The following LSM6 variants were observed in gnomAD, a reference collection of about 807,000 sequenced individuals.
LSM6 encodes the protein LSM6 homolog, U6 small nuclear RNA and mRNA degradation associated.
LSM6 carries 2 observed loss-of-function variants against 13.5 expected under a neutral mutation model. The observed-to-expected ratio is 0.15, with a 90% confidence interval of 0.06 to 0.47. LSM6 has a LOEUF of 0.47. Ranked by LOEUF, LSM6 falls within the 20% of genes least tolerant of loss-of-function variation. LSM6 has a pLI of 0.97. For missense variants in LSM6, 58 were observed against 96.4 expected (o/e 0.60, Z 1.67); for synonymous variants, 43 against 34.9 (o/e 1.23, Z -0.82).
chr4:146,179,168 G>A (rs3775497), intron 1 of LSM6, among the ~76,000 whole-genome samples: 2 of 152,186 alleles, frequency 1.3e-5, no homozygotes, highest in African/African-American at 4.8e-5. Context: ...GGAGTCAGGG[G>A]AGGGAGAGGA....
chr4:146,182,250 A>G (rs1449191182), intron 1 of LSM6, among the ~76,000 whole-genome samples: 1 of 152,180 alleles, frequency 6.6e-6, no homozygotes, highest in African/African-American at 2.4e-5. Context: ...AGTTCTTGGA[A>G]AAGTGCTGGC....
At chr4:146,176,542 A>G (rs1730113877) in intron 1 of LSM6, 1 of 152,218 alleles carries the variant, frequency 6.6e-6, no homozygotes, top group Non-Finnish European at 1.5e-5. Context: ...GAAGAAAATA[A>G]TATTCACTGA....
rs369726634 is a variant in LSM6, at chr4:146,182,913, A to G, written c.-9A>G. Reference sequence around the variant, plus strand: ...GTTCCTTTTCATATTTTGATTTAGGATTGTTAAAATGAGTCTTCGGAAGCA... The same window carrying G: ...GTTCCTTTTCATATTTTGATTTAGGGTTGTTAAAATGAGTCTTCGGAAGCA... On this transcript the variant is annotated splice_region_variant and 5_prime_UTR_variant, in exon 2 of 4. Coordinates refer to ENST00000296581, the MANE Select transcript of LSM6 (RefSeq NM_007080.3). The G allele has an allele frequency of 3.8e-6, 6 of 1,565,788 alleles. No homozygotes were observed. In the Middle Eastern group the frequency reaches 6.7e-4, roughly 175 times the overall value.
At chr4:146,183,879 T>C (rs1287458427) in intron 2 of LSM6, among the ~76,000 whole-genome samples, 3 of 149,244 alleles carry the variant, frequency 2.0e-5, no homozygotes, top group Non-Finnish European at 3.0e-5. Flanking sequence ...TCTTTTTTTT[T>C]TTTTTTTTTT....
rs745786040 is a variant in LSM6, at chr4:146,187,286, G to C, written c.107G>C (p.Cys36Ser). The C allele has an allele frequency of 1.2e-6, 2 of 1,610,234 alleles. No individual in the cohort carries two copies. The highest frequency in any genetic ancestry group is 2.2e-5 in the South Asian group (2 of 90,956). The change falls in exon 3 of 4, where the codon TGC (cysteine) becomes TCC (serine). Residue 36 changes from cysteine (C) to serine (S), a missense_variant. By Grantham distance (112) the Cys-to-Ser change is moderately radical (BLOSUM62 -1). Transcript: ENST00000296581. ...AATATGTCTGCAGGGGTCCTGGCTT[G>C]CCTGGATGGCTACATGAATATAGCC... ...SGVDYRGVLACLDGYMNIALE... is the reference protein window; with the variant it reads ...SGVDYRGVLASLDGYMNIALE...
chr4:146,189,120 G>T (rs142917534), intron 3 of LSM6, among the ~76,000 whole-genome samples: 6 of 151,590 alleles, frequency 4.0e-5, no homozygotes, highest in Non-Finnish European at 8.8e-5. Context: ...GTTCTAAGTC[G>T]CTGGGACTAC....
Position 146,189,725 on chromosome 4 carries a change from T to A in LSM6, c.*69T>A. 1 of 1,152,384 alleles carries A rather than the reference T, an allele frequency of 8.7e-7. No individual in the cohort carries two copies. The highest frequency in any genetic ancestry group is 1.3e-6 in the Non-Finnish European group (1 of 793,586). 71.4% of individuals were successfully genotyped at this position (1,152,384 alleles called of 1,614,324 possible). Reference sequence around the variant, plus strand: ...TTATGAATTTTTTCTAATTTTTGCTTCTTTTGTGATACAATTTGTCCTCTT... The same window carrying A: ...TTATGAATTTTTTCTAATTTTTGCTACTTTTGTGATACAATTTGTCCTCTT... On this transcript the variant is annotated 3_prime_UTR_variant, in exon 4 of 4. Coordinates refer to ENST00000296581, the MANE Select transcript of LSM6 (RefSeq NM_007080.3).
In LSM6 at chr4:146,183,072, C is replaced by T; in HGVS notation, c.94+57C>T. 2.4e-6 allele frequency: 3 copies of T among 1,264,256 alleles called. No individual in the cohort carries two copies. The Admixed American group carries it at 5.1e-5, about 21-fold the overall frequency. 78.3% of individuals were successfully genotyped at this position (1,264,256 alleles called of 1,614,324 possible). ...TAACTGAATAAGTAAATGTGACTTA[C>T]TGATATTTATTAACCTCTTAAGTAT... On this transcript the variant is annotated intron_variant, in intron 2 of 3. Coordinates refer to ENST00000296581, the MANE Select transcript of LSM6 (RefSeq NM_007080.3).
intron 1 of LSM6, among the ~76,000 whole-genome samples, chr4:146,182,608 A>G (rs1478520903): frequency 6.6e-6 from 1 of 152,272 alleles, no homozygotes; most frequent in Non-Finnish European, 1.5e-5. Flanking sequence ...TGTGTCAGGC[A>G]GTAATGATAA....
intron 1 of LSM6, among the ~76,000 whole-genome samples, chr4:146,179,867 A>G (rs1171430167): frequency 6.6e-6 from 1 of 152,144 alleles, no homozygotes; most frequent in Non-Finnish European, 1.5e-5. Flanking sequence ...GTTATTTCCT[A>G]GGCTTGTTCA....
intron 1 of LSM6, among the ~76,000 whole-genome samples, chr4:146,178,817 T>C (rs1730169266): frequency 6.6e-6 from 1 of 152,186 alleles, no homozygotes; most frequent in Non-Finnish European, 1.5e-5. Context: ...TCTCACCGCC[T>C]CTATTGCGAT....
chr4:146,182,912 G>C lies in LSM6; in HGVS notation c.-10G>C. 6.4e-7 allele frequency: 1 copy of C among 1,562,168 alleles called. No individual in the cohort carries two copies. The highest frequency in any genetic ancestry group is 8.8e-7 in the Non-Finnish European group (1 of 1,132,858). On this transcript the variant is annotated splice_region_variant and 5_prime_UTR_variant, in exon 2 of 4. Coordinates refer to ENST00000296581, the MANE Select transcript of LSM6 (RefSeq NM_007080.3). ...TGTTCCTTTTCATATTTTGATTTAGGATTGTTAAAATGAGTCTTCGGAAGC... is the reference window on the plus strand; with the variant it reads ...TGTTCCTTTTCATATTTTGATTTAGCATTGTTAAAATGAGTCTTCGGAAGC...
chr4:146,175,967 C>T (rs866601788), intron 1 of LSM6, 156 bp downstream of exon 1: 7 of 152,416 alleles, frequency 4.6e-5, no homozygotes, highest in African/African-American at 1.7e-4. Context: ...GCTGGGGCTC[C>T]GGGAAGGGAC....
At position 146,182,982 on chromosome 4, in the gene LSM6, G is replaced by A; in HGVS notation, c.61G>A (p.Val21Met). 1 of 1,613,444 alleles carries A rather than the reference G, an allele frequency of 6.2e-7. No individual in the cohort carries two copies. The highest frequency in any genetic ancestry group is 8.5e-7 in the Non-Finnish European group (1 of 1,179,448). The change falls in exon 2 of 4, where the codon GTG becomes ATG. Residue 21 changes from valine to methionine, a missense_variant. By Grantham distance (21) the Val-to-Met change is conservative (BLOSUM62 1). Coordinates refer to ENST00000296581, the MANE Select transcript of LSM6 (RefSeq NM_007080.3). Reference sequence around the variant, plus strand: ...AAAGCAAATCATCGGACGACCAGTTGTGGTAAAATTAAATTCTGGAGTGGA... The same window carrying A: ...AAAGCAAATCATCGGACGACCAGTTATGGTAAAATTAAATTCTGGAGTGGA... ...FLKQIIGRPVVVKLNSGVDYR... is the reference protein window; with the variant it reads ...FLKQIIGRPVMVKLNSGVDYR...
chr4:146,187,521 G>C (rs989223580), intron 3 of LSM6, 134 bp downstream of exon 3: 2 of 575,642 alleles, frequency 3.5e-6, no homozygotes, highest in African/African-American at 3.8e-5. Flanking sequence ...TTATATGTCA[G>C]ATCTTCAGTT....
chr4:146,175,892 G>C (rs1304773051), intron 1 of LSM6, 81 bp downstream of exon 1: 2 of 152,368 alleles, frequency 1.3e-5, no homozygotes, highest in Non-Finnish European at 2.9e-5. Context: ...GTCGCGCTGT[G>C]GAGCGGCGGC....
At chr4:146,176,904 C>T (rs1730123394) in intron 1 of LSM6, among the ~76,000 whole-genome samples, 1 of 152,134 alleles carries the variant, frequency 6.6e-6, no homozygotes, top group Non-Finnish European at 1.5e-5. Context: ...ATGCTGTCAT[C>T]TGAAAGGTCT....
At chr4:146,184,311 T>G (rs568604341) in intron 2 of LSM6, among the ~76,000 whole-genome samples, 1 of 152,102 alleles carries the variant, frequency 6.6e-6, no homozygotes, top group Non-Finnish European at 1.5e-5. Flanking sequence ...TTTGGTCTCT[T>G]TTCTGAATAA....
At chr4:146,181,572 C>T (rs2110882505) in intron 1 of LSM6, among the ~76,000 whole-genome samples, 1 of 152,072 alleles carries the variant, frequency 6.6e-6, no homozygotes, top group Admixed American at 6.5e-5. Context: ...AGTGGATGGA[C>T]TTAGAATGAA....
Sources: allele counts gnomAD v4.1 joint callset (sites outside exome capture counted in the v4.1 genomes callset), GRCh38; gene constraint gnomAD v4.1.1; transcripts MANE v1.5; gene names NCBI Gene and HGNC (gene_info 2026-07-23, HGNC 2026-07-21).